The following CDKL3 variants were observed in gnomAD, a reference collection of about 807,000 sequenced individuals.
The protein encoded by CDKL3 is cyclin-dependent kinase-like 3.
In CDKL3, 65 loss-of-function variants were observed where a neutral mutation model predicts 69.3. The ratio of observed to expected loss-of-function variants is 0.94; its 90% CI spans 0.77 to 1.15. The LOEUF is 1.15. Ranked by LOEUF, CDKL3 falls within the 50% of genes most tolerant of loss-of-function variation. CDKL3 has a pLI of 0.00. For missense variants in CDKL3, 652 were observed against 689.2 expected (o/e 0.95, Z 0.61); for synonymous variants, 202 against 221.6 (o/e 0.91, Z 0.79).
intron 4 of CDKL3, among the ~76,000 whole-genome samples, chr5:134,324,197 T>C (rs1478014112): frequency 6.6e-6 from 1 of 152,200 alleles, no homozygotes; most frequent in African/African-American, 2.4e-5. Context: ...CAACATCAAA[T>C]GCAGGTGAGG....
intron 3 of CDKL3, among the ~76,000 whole-genome samples, chr5:134,354,055 C>T (rs1033051260): frequency 6.6e-6 from 1 of 152,192 alleles, no homozygotes; most frequent in African/African-American, 2.4e-5. Context: ...GCTGCTCCAA[C>T]TGCCTGGCCA....
At chr5:134,283,690 T>C (rs974164613), downstream of CDKL3, among the ~76,000 whole-genome samples, 7 of 152,028 alleles carry the variant, frequency 4.6e-5, no homozygotes, top group Non-Finnish European at 1.5e-5. Flanking sequence ...CATTTCAGAA[T>C]AAATCATGCC....
At position 134,312,385 on chromosome 5, in the gene CDKL3, G is replaced by T; in HGVS notation, c.793-5C>A. ...AGGATCAATTTGTAAACAAGCCTAG[G>T]AAAGGAAAAAGATTTTAATAAGTGA... On this transcript the variant is annotated splice_region_variant and splice_polypyrimidine_tract_variant and intron_variant, in intron 6 of 12. Coordinates refer to ENST00000265334, the MANE Select transcript of CDKL3 (RefSeq NM_001113575.2). 1 of 1,556,370 alleles carries T rather than the reference G, an allele frequency of 6.4e-7. No individual in the cohort carries two copies. Among genetic ancestry groups the T allele is most frequent in the Non-Finnish European group, 8.7e-7 (1 of 1,148,740 alleles).
At chr5:134,356,616 T>A (rs1754674599) in intron 3 of CDKL3, among the ~76,000 whole-genome samples, 1 of 152,098 alleles carries the variant, frequency 6.6e-6, no homozygotes, top group Non-Finnish European at 1.5e-5. Context: ...AAACCCCGAC[T>A]CTACTAAAAA....
At position 134,340,983 on chromosome 5, in the gene CDKL3, T is replaced by G. The variant is rs139139377; in HGVS notation, c.539+9266A>C. ...ATCCAGCATCATATAAAAGGAATTATGCACTGTGACCAACTGGGATTTATT... is the reference window on the plus strand; with the variant it reads ...ATCCAGCATCATATAAAAGGAATTAGGCACTGTGACCAACTGGGATTTATT... On this transcript the variant is annotated intron_variant, in intron 4 of 12. Transcript: ENST00000265334. Among the ~76,000 whole-genome samples the G allele has an allele frequency of 1.5e-3, 226 of 152,322 alleles. 1 individual carries two copies. Among genetic ancestry groups the G allele is most frequent in the African/African-American group, 5.2e-3 (217 of 41,578 alleles).
upstream of CDKL3, among the ~76,000 whole-genome samples, chr5:134,369,569 C>T (rs1758119537): frequency 6.7e-6 from 1 of 148,456 alleles, no homozygotes; most frequent in African/African-American, 2.4e-5. Context: ...ACTGCCTTGA[C>T]TGATAAATTA....
At chr5:134,367,196 TG>T, upstream of CDKL3, 1 of 985,498 alleles carries the variant, frequency 1.0e-6, no homozygotes, top group Non-Finnish European at 1.2e-6. Flanking sequence ...GACCGGAACA[TG>T]GGCAGGGTCC....
chr5:134,320,615 C>T (rs1462071499), intron 5 of CDKL3, among the ~76,000 whole-genome samples: 1 of 151,956 alleles, frequency 6.6e-6, no homozygotes, highest in Non-Finnish European at 1.5e-5. Context: ...GTGGTTCATG[C>T]CTGTATTCCC....
chr5:134,312,014 G>A (rs888874915), intron 7 of CDKL3, among the ~76,000 whole-genome samples: 11 of 151,938 alleles, frequency 7.2e-5, no homozygotes, highest in African/African-American at 1.5e-4. Flanking sequence ...CAGGCCGGTC[G>A]TGAACTCCAG....
chr5:134,348,708 G>T (rs943462051), intron 4 of CDKL3, among the ~76,000 whole-genome samples: 1 of 152,124 alleles, frequency 6.6e-6, no homozygotes, highest in African/African-American at 2.4e-5. Flanking sequence ...AGGAATTTAA[G>T]CTACATCATC....
upstream of CDKL3, among the ~76,000 whole-genome samples, chr5:134,370,479 T>G (rs1041660933): frequency 1.2e-4 from 19 of 152,210 alleles, no homozygotes; most frequent in African/African-American, 4.1e-4. Context: ...GAATCATATT[T>G]GTAGGTTTCT....
downstream of CDKL3, among the ~76,000 whole-genome samples, chr5:134,296,513 T>C (rs879557236): frequency 3.9e-5 from 6 of 152,110 alleles, no homozygotes; most frequent in Non-Finnish European, 7.4e-5. Flanking sequence ...CATGTTCACT[T>C]TGGAATGGGA....
intron 4 of CDKL3, among the ~76,000 whole-genome samples, chr5:134,342,368 G>A (rs1750707845): frequency 6.6e-6 from 1 of 152,120 alleles, no homozygotes; most frequent in African/African-American, 2.4e-5. Context: ...GGAGGCCGAG[G>A]CAGGTGGATC....
chr5:134,336,178 C>G (rs756600310), intron 4 of CDKL3, among the ~76,000 whole-genome samples: 1 of 152,160 alleles, frequency 6.6e-6, no homozygotes, highest in African/African-American at 2.4e-5. Flanking sequence ...TCCATCAGGT[C>G]ATTTAAGCTC....
chr5:134,306,481 A>G, intron 10 of CDKL3, 128 bp downstream of exon 10: 1 of 625,058 alleles, frequency 1.6e-6, no homozygotes, highest in Non-Finnish European at 2.8e-6. Flanking sequence ...TGGGCAACAG[A>G]GAGAGATCCT....
Position 134,306,711 on chromosome 5 carries a change from TA to T in CDKL3, c.1365-10del. 2.5e-6 allele frequency: 3 copies of T among 1,184,026 alleles called. No individual in the cohort carries two copies. Among genetic ancestry groups the T allele is most frequent in the Non-Finnish European group, 3.6e-6 (3 of 841,016 alleles). The allele number at this position is 1,184,026 out of a possible 1,614,324, so 73.3% of individuals were successfully genotyped here. ...TTGCTCTTTCAGTTAACCTATTATT[TA>T]AAAATGAATGAGAAGTTACTAAAAC... On this transcript the variant is annotated splice_polypyrimidine_tract_variant and intron_variant, in intron 9 of 12. Coordinates refer to ENST00000265334, the MANE Select transcript of CDKL3 (RefSeq NM_001113575.2).
At chr5:134,317,328 G>T (rs1771386718) in intron 6 of CDKL3, among the ~76,000 whole-genome samples, 2 of 152,054 alleles carry the variant, frequency 1.3e-5, no homozygotes, top group South Asian at 4.1e-4. Flanking sequence ...TAGAGACAGG[G>T]TTTCATCATG....
chr5:134,298,651 C>G lies in CDKL3; in HGVS notation c.1779G>C (p.Ter593TyrextTer23). Residue 593 changes from the stop codon to tyrosine, a stop_lost, in exon 13 of 13, where the codon TAG becomes TAC. Coordinates refer to ENST00000265334, the MANE Select transcript of CDKL3 (RefSeq NM_001113575.2). ...NLKRNRFFFW[*>Y] is the part of the protein sequence containing the mutation. ...TTTGGACTATGTAAAAGAAAAGACA[C>G]TACCAGAAAAAAAACCTGTTTCTCT... The G allele has an allele frequency of 6.2e-7, 1 of 1,612,448 alleles. No homozygotes were observed. The highest frequency in any genetic ancestry group is 8.5e-7 in the Non-Finnish European group (1 of 1,179,440).
intron 6 of CDKL3, among the ~76,000 whole-genome samples, chr5:134,316,008 G>C (rs1770963806): frequency 6.6e-6 from 1 of 152,120 alleles, no homozygotes; most frequent in Non-Finnish European, 1.5e-5. Flanking sequence ...CTGGAGTGCA[G>C]TGGCACAATC....
Sources: allele counts gnomAD v4.1 joint callset (sites outside exome capture counted in the v4.1 genomes callset), GRCh38; gene constraint gnomAD v4.1.1; transcripts MANE v1.5; gene names NCBI Gene and HGNC (gene_info 2026-07-23, HGNC 2026-07-21).